DENR: variants seen among roughly 807,000 people sequenced by gnomAD.
DENR encodes density-regulated protein.
DENR carries 6 observed loss-of-function variants against 30.6 expected under a neutral mutation model. That is an observed-to-expected ratio of 0.20 (90% CI 0.11 to 0.39). DENR has a LOEUF of 0.39. Among genes scored for constraint, DENR ranks in the 10% least tolerant of loss-of-function variants. DENR has a pLI of 1.00. For synonymous variants in DENR, 78 were observed against 72.1 expected, an observed-to-expected ratio of 1.08 and a Z score of -0.41; for missense variants, 141 against 230.9, an observed-to-expected ratio of 0.61 and a Z score of 2.52.
chr12:122,767,579 A>G lies in DENR; in HGVS notation c.387A>G (p.Thr129=), dbSNP rs1365563505. Residue 129 remains threonine (T), a synonymous_variant, in exon 6 of 8, where the codon ACA becomes ACG. Coordinates refer to ENST00000280557, the MANE Select transcript of DENR (RefSeq NM_003677.5). ...KIPRAKKKYV[T]RVCGLATFEI... is the part of the protein sequence containing the mutation. The stretch of plus-strand genomic sequence containing the variant: ...CCAGAGCAAAGAAGAAATATGTGAC[A>G]AGAGTATGTGGCCTTGCAACTTTTG... The G allele has an allele frequency of 1.2e-6, 2 of 1,601,834 alleles. No individual in the cohort carries two copies. The highest frequency in any genetic ancestry group is 1.7e-6 in the Non-Finnish European group (2 of 1,174,502).
chr12:122,764,180 G>A (rs937463152), intron 4 of DENR, among the ~76,000 whole-genome samples: 1 of 152,150 alleles, frequency 6.6e-6, no homozygotes, highest in Admixed American at 6.6e-5. Flanking sequence ...GACCACAACG[G>A]GTAGGGCATT....
At position 122,769,281 on chromosome 12, in the gene DENR, T is replaced by TATACACATATATAC. The variant is rs1479132127; in HGVS notation, c.*215_*216insACATACACATATAT. The TATACACATATATAC allele has an allele frequency of 8.1e-5, 65 of 800,756 alleles. No individual in the cohort carries two copies. In the African/African-American group the frequency reaches 1.6e-3, roughly 20 times the overall value. The allele number at this position is 800,756 out of a possible 1,614,324, so 49.6% of individuals were successfully genotyped here. ...ATACATACACATATATGTATACATA[T>TATACACATATATAC]ATACACATATATGTATACATATATA... On this transcript the variant is annotated 3_prime_UTR_variant, in exon 8 of 8. Coordinates refer to ENST00000280557, the MANE Select transcript of DENR (RefSeq NM_003677.5).
In DENR at chr12:122,768,877, T is replaced by G. The variant is rs1442859229; in HGVS notation, c.508T>G (p.Phe170Val). The change falls in exon 7 of 8, where the codon TTT becomes GTT. Residue 170 changes from phenylalanine (F) to valine (V), a missense_variant. Transcript: ENST00000280557. ...GGATGAAATTATCATTCAGGGAGAT[T>G]TTACAGATGACATAATTGATGTCAT... is the stretch of plus-strand genomic sequence containing the variant. ...GEDEIIIQGDFTDDIIDVIQE... is the reference protein window; with the variant it reads ...GEDEIIIQGDVTDDIIDVIQE... 1 of 1,612,854 alleles carries G rather than the reference T, an allele frequency of 6.2e-7. No homozygotes were observed. Among genetic ancestry groups the G allele is most frequent in the Non-Finnish European group, 8.5e-7 (1 of 1,179,510 alleles).
At chr12:122,756,316 G>A (rs1317402535) in intron 2 of DENR, among the ~76,000 whole-genome samples, 2 of 152,180 alleles carry the variant, frequency 1.3e-5, no homozygotes, top group Non-Finnish European at 2.9e-5. Context: ...GGGCATAGTG[G>A]CAGGCGCCTG....
intron 2 of DENR, 53 bp downstream of exon 2, chr12:122,753,860 G>A (rs1593758162): frequency 7.3e-7 from 1 of 1,360,914 alleles, no homozygotes; most frequent in Non-Finnish European, 1.0e-6. Flanking sequence ...TTTATGCATT[G>A]TAATAACAGT....
chr12:122,767,321 C>T (rs1419700973), intron 5 of DENR, among the ~76,000 whole-genome samples, 167 bp from the exon 6 acceptor site: 1 of 152,184 alleles, frequency 6.6e-6, no homozygotes, highest in Admixed American at 6.6e-5. Flanking sequence ...GTGCTAGGCA[C>T]ATAGTAGGTA....
rs900875130 is a variant in DENR, at chr12:122,765,235, A to G, written c.212-69A>G. On this transcript the variant is annotated intron_variant, in intron 4 of 7. Coordinates refer to ENST00000280557, the MANE Select transcript of DENR (RefSeq NM_003677.5). ...CCTTATTTGTATATGAGGTTGCTCA[A>G]AGGTGATTTCTTTTTTTTTAACAGT... The G allele has an allele frequency of 3.8e-6, 5 of 1,327,326 alleles. No individual in the cohort carries two copies. In the African/African-American group the frequency reaches 7.4e-5, roughly 20 times the overall value. 82.2% of individuals were successfully genotyped at this position (1,327,326 alleles called of 1,614,324 possible). A position where few individuals can be genotyped will look rare whatever the true frequency, so the allele number is the denominator to read the frequency against.
intron 2 of DENR, among the ~76,000 whole-genome samples, chr12:122,761,512 G>T (rs1878700300): frequency 1.3e-5 from 2 of 152,090 alleles, no homozygotes; most frequent in Admixed American, 6.6e-5. Context: ...TGGCTGTTTT[G>T]GTAGAACCAT....
Position 122,765,395 on chromosome 12 carries a change from C to T in DENR, c.295+8C>T. ...AGAAAAAACAGAAGAGAGGTAAGAC[C>T]TAAATTCACATCTTGATTTGTACAG... On this transcript the variant is annotated splice_region_variant and intron_variant, in intron 5 of 7. Coordinates refer to ENST00000280557, the MANE Select transcript of DENR (RefSeq NM_003677.5). The T allele has an allele frequency of 6.5e-7, 1 of 1,545,910 alleles. No individual in the cohort carries two copies. Among genetic ancestry groups the T allele is most frequent in the Non-Finnish European group, 8.8e-7 (1 of 1,142,024 alleles).
chr12:122,756,072 T>C (rs1878542128), intron 2 of DENR, among the ~76,000 whole-genome samples: 1 of 152,214 alleles, frequency 6.6e-6, no homozygotes, highest in Admixed American at 6.5e-5. Flanking sequence ...CTCGGCTAAG[T>C]TCTGTGGAGG....
Position 122,769,064 on chromosome 12 carries a change from GAAGTA to G in DENR, c.587_591del (p.Val196GlufsTer13). 2 of 1,609,410 alleles carry G rather than the reference GAAGTA, an allele frequency of 1.2e-6. No homozygotes were observed. The highest frequency in any genetic ancestry group is 1.7e-6 in the Non-Finnish European group (2 of 1,178,362). On this transcript the variant is annotated frameshift_variant, in exon 8 of 8. Coordinates refer to ENST00000280557, the MANE Select transcript of DENR (RefSeq NM_003677.5). LOFTEE classifies it high-confidence loss of function. ...TGATGACAGCATCGAAGATCTTGGA[GAAGTA>G]AAGAAGTGAATTTGAAAATTTGTCT...
chr12:122,770,577 TCA>T lies in DENR; in HGVS notation c.*1502_*1503del. 1 of 398,480 alleles carries T rather than the reference TCA, an allele frequency of 2.5e-6. No homozygotes were observed. The highest frequency in any genetic ancestry group is 3.6e-5 in the East Asian group (1 of 28,036). The allele number at this position is 398,480 out of a possible 1,614,324, so 24.7% of individuals were successfully genotyped here. On this transcript the variant is annotated 3_prime_UTR_variant, in exon 8 of 8. Transcript: ENST00000280557. The stretch of plus-strand genomic sequence containing the variant: ...GAAATAGCAATTGAAACATGTCTTC[TCA>T]CAAGAGAAAATGACAGTTTTAATGA...
intron 5 of DENR, 75 bp from the exon 6 acceptor site, chr12:122,767,413 G>A: frequency 1.1e-6 from 1 of 931,318 alleles, no homozygotes; most frequent in Non-Finnish European, 1.6e-6. Flanking sequence ...AACCTTTTGA[G>A]AATTAATAAA....
intron 3 of DENR, 65 bp downstream of exon 3, chr12:122,762,271 T>A: frequency 8.9e-7 from 1 of 1,124,456 alleles, no homozygotes; most frequent in Non-Finnish European, 1.3e-6. Context: ...TAAAGCTACC[T>A]TGAGAATTTT....
intron 2 of DENR, among the ~76,000 whole-genome samples, chr12:122,757,750 T>C (rs1878587176): frequency 6.6e-6 from 1 of 152,196 alleles, no homozygotes; most frequent in Non-Finnish European, 1.5e-5. Context: ...CGATAAGATG[T>C]TTGAAAAGTT....
intron 5 of DENR, 150 bp downstream of exon 5, chr12:122,765,537 A>G (rs1878824769): frequency 3.0e-6 from 2 of 667,882 alleles, no homozygotes; most frequent in Admixed American, 5.7e-5. Context: ...GGATCACTTA[A>G]GCCCAGGAGT....
At position 122,762,176 on chromosome 12, in the gene DENR, T is replaced by TA; in HGVS notation, c.107-10dup. On this transcript the variant is annotated splice_polypyrimidine_tract_variant and intron_variant, in intron 2 of 7. Coordinates refer to ENST00000280557, the MANE Select transcript of DENR (RefSeq NM_003677.5). ...TAACATTTCAAATCTTTTTTCTTTT[T>TA]ACTTCCTCAGTCTGTTCATTACCAA... is the stretch of plus-strand genomic sequence containing the variant. 7.0e-7 allele frequency: 1 copy of TA among 1,421,666 alleles called. No individual in the cohort carries two copies. Among genetic ancestry groups the TA allele is most frequent in the Non-Finnish European group, 9.6e-7 (1 of 1,045,504 alleles). The allele number at this position is 1,421,666 out of a possible 1,614,324, so 88.1% of individuals were successfully genotyped here.
In DENR at chr12:122,770,612, G is replaced by C; in HGVS notation, c.*1534G>C. 1 of 398,518 alleles carries C rather than the reference G, an allele frequency of 2.5e-6. No homozygotes were observed. Among genetic ancestry groups the C allele is most frequent in the Middle Eastern group, 6.3e-4 (1 of 1,584 alleles). The allele number at this position is 398,518 out of a possible 1,614,324, so 24.7% of individuals were successfully genotyped here. On this transcript the variant is annotated 3_prime_UTR_variant, in exon 8 of 8. Coordinates refer to ENST00000280557, the MANE Select transcript of DENR (RefSeq NM_003677.5). ...AAATGACAGTTTTAATGATGTATTT[G>C]ATGAATTTAAACTTTAAGTCAGGTG... is the stretch of plus-strand genomic sequence containing the variant.
chr12:122,767,273 A>G (rs1878875170), intron 5 of DENR, among the ~76,000 whole-genome samples: 1 of 152,202 alleles, frequency 6.6e-6, no homozygotes, highest in South Asian at 2.1e-4. Flanking sequence ...GGCAGGGGCT[A>G]TGTTCTGTTC....
Sources: gnomAD v4.1 joint callset for allele counts (sites outside exome capture counted in the v4.1 genomes callset) on GRCh38, gnomAD v4.1.1 for gene constraint, MANE v1.5 for transcripts, NCBI Gene and HGNC (gene_info 2026-07-23, HGNC 2026-07-21) for gene names.